ACADM: variants seen among roughly 807,000 people sequenced by gnomAD.
ACADM encodes acyl-CoA dehydrogenase medium chain.
A neutral mutation model predicts 58.9 loss-of-function variants in ACADM; 49 were observed. The ratio of observed to expected loss-of-function variants is 0.83; its 90% CI spans 0.66 to 1.06. The LOEUF (loss-of-function observed/expected upper bound fraction) is 1.06, where lower values mean the gene tolerates loss of function less well. Ranked by LOEUF, ACADM falls within the 50% of genes least tolerant of loss-of-function variation. The pLI is 0.00. For synonymous variants in ACADM, 160 were observed against 157.7 expected, an observed-to-expected ratio of 1.01 and a Z score of -0.11; for missense variants, 496 against 507.0, an observed-to-expected ratio of 0.98 and a Z score of 0.21.
chr1:75,727,317 C>A (rs776469208), intron 1 of ACADM, among the ~76,000 whole-genome samples: 2 of 152,174 alleles, frequency 1.3e-5, no homozygotes, highest in Admixed American at 6.5e-5. Context: ...TTTCTTTTTA[C>A]GGATTTTGAA....
chr1:75,731,320 T>C lies in ACADM; in HGVS notation c.119-1324T>C, dbSNP rs913540539. Among the ~76,000 whole-genome samples, 7 of 148,792 alleles carry C rather than the reference T, an allele frequency of 4.7e-5. No individual in the cohort carries two copies. In the East Asian group the frequency reaches 1.2e-3, roughly 25 times the overall value. ...AAAAAAAAAAAGAGATTTGATCTTA[T>C]GCTCTTCAATTCAGCACCAGAATTC... On this transcript the variant is annotated intron_variant, in intron 2 of 11. Transcript: ENST00000370841.
intron 2 of ACADM, among the ~76,000 whole-genome samples, chr1:75,731,227 C>T (rs61797340): frequency 0.24 from 34,877 of 144,166 alleles, 4,442 homozygotes; most frequent in Non-Finnish European, 0.3. Flanking sequence ...TGCAGTGAGC[C>T]TAGATTGCGC....
chr1:75,728,559 T>C (rs1441250736), intron 2 of ACADM, 71 bp downstream of exon 2: 2 of 1,166,862 alleles, frequency 1.7e-6, no homozygotes, highest in East Asian at 2.4e-5. Context: ...GTTTGGAATA[T>C]GTTTGTAAAT....
chr1:75,745,920 GTATT>G lies in ACADM; in HGVS notation c.708+11_708+14del. 1.3e-6 allele frequency: 2 copies of G among 1,589,750 alleles called. No homozygotes were observed. Among genetic ancestry groups the G allele is most frequent in the Non-Finnish European group, 1.7e-6 (2 of 1,158,134 alleles). ...GAATTCAGATTGGGAGAAAGGTAAA[GTATT>G]TATTAATGATTAGGGCCCCAAATAT... On this transcript the variant is annotated splice_region_variant and intron_variant, in intron 8 of 11. Coordinates refer to ENST00000370841, the MANE Select transcript of ACADM (RefSeq NM_000016.6).
chr1:75,732,859 GT>G lies in ACADM; in HGVS notation c.224del (p.Val75AlafsTer3), dbSNP rs1057516480. On this transcript the variant is annotated frameshift_variant, in exon 4 of 12. Coordinates refer to ENST00000370841, the MANE Select transcript of ACADM (RefSeq NM_000016.6). LOFTEE classifies it high-confidence loss of function. ...TCAGTTCTTTTTCTTCTAGTATCCA[GT>G]CCCCCTAATTAGAAGAGCCTGGGAA... ...AEYDKTGEYP[V>X]PLIRRAWELG... 2.5e-6 allele frequency: 4 copies of G among 1,613,298 alleles called. No individual in the cohort carries two copies. Among genetic ancestry groups the G allele is most frequent in the Non-Finnish European group, 3.4e-6 (4 of 1,179,356 alleles).
At chr1:75,758,472 A>G (rs1254922714) in intron 10 of ACADM, among the ~76,000 whole-genome samples, 1 of 152,176 alleles carries the variant, frequency 6.6e-6, no homozygotes, top group Admixed American at 6.5e-5. Context: ...CTCACCCTGT[A>G]GGAACCTCTG....
intron 10 of ACADM, among the ~76,000 whole-genome samples, 157 bp from the exon 11 acceptor site, chr1:75,760,965 G>C (rs1193428797): frequency 6.6e-6 from 1 of 152,160 alleles, no homozygotes; most frequent in African/African-American, 2.4e-5. Flanking sequence ...TCAGCACTTT[G>C]AGAGGCCTAA....
chr1:75,754,775 C>T (rs897575154), intron 10 of ACADM, among the ~76,000 whole-genome samples: 9 of 152,196 alleles, frequency 5.9e-5, no homozygotes, highest in African/African-American at 1.7e-4. Context: ...GTACAGTGGG[C>T]GCAGCCCACA....
intron 7 of ACADM, chr1:75,745,425 G>A: frequency 5.1e-6 from 1 of 196,220 alleles, no homozygotes. Context: ...AGTCGAGACT[G>A]CAGTGAGCCA....
At chr1:75,746,638 G>T (rs1570888229) in intron 8 of ACADM, among the ~76,000 whole-genome samples, 2 of 138,970 alleles carry the variant, frequency 1.4e-5, no homozygotes, top group African/African-American at 2.7e-5. Flanking sequence ...TCGCTCTGTT[G>T]CCCAGGCTGG....
chr1:75,743,727 C>A, intron 7 of ACADM: 1 of 1,523,680 alleles, frequency 6.6e-7, no homozygotes, highest in Non-Finnish European at 9.1e-7. Context: ...CCTTCTCTCC[C>A]AGTTCAGTGA....
chr1:75,744,182 A>G, intron 7 of ACADM: 1 of 1,571,848 alleles, frequency 6.4e-7, no homozygotes, highest in Non-Finnish European at 8.8e-7. Context: ...TACTGCAGAC[A>G]CAGGTTTGCT....
chr1:75,744,161 G>C, intron 7 of ACADM: 3 of 1,573,628 alleles, frequency 1.9e-6, no homozygotes, highest in Non-Finnish European at 2.6e-6. Flanking sequence ...TGGTGGGACA[G>C]CAGTGGGTTT....
intron 7 of ACADM, among the ~76,000 whole-genome samples, chr1:75,742,779 G>A (rs998565770): frequency 1.3e-5 from 2 of 152,088 alleles, no homozygotes; most frequent in African/African-American, 4.8e-5. Flanking sequence ...ATTACAACAC[G>A]TGACCTCAGG....
chr1:75,744,665 G>T, intron 7 of ACADM: 1 of 857,536 alleles, frequency 1.2e-6, no homozygotes, highest in Non-Finnish European at 2.0e-6. Context: ...CCTGGTCCCT[G>T]GCATAAGGAG....
intron 10 of ACADM, among the ~76,000 whole-genome samples, chr1:75,752,221 A>G (rs1049323675): frequency 2.6e-4 from 40 of 152,086 alleles, no homozygotes; most frequent in Admixed American, 1.4e-3. Flanking sequence ...AGCTCAAGCA[A>G]TCTTTCCACC....
intron 6 of ACADM, among the ~76,000 whole-genome samples, chr1:75,736,159 TACACACACAGACATAC>T (rs1423710386): frequency 9.3e-6 from 1 of 107,016 alleles, no homozygotes; most frequent in Non-Finnish European, 1.8e-5. Context: ...ACAAGATAAA[TACACACACAGACATAC>T]ACACACACAC....
intron 1 of ACADM, among the ~76,000 whole-genome samples, chr1:75,725,424 C>G (rs563265598): frequency 3.8e-4 from 57 of 151,856 alleles, no homozygotes; most frequent in Middle Eastern, 3.4e-3. Context: ...AAAGTTATGT[C>G]TTGGACCAAA....
intron 9 of ACADM, among the ~76,000 whole-genome samples, chr1:75,749,910 A>G (rs1648110223): frequency 6.6e-6 from 1 of 151,856 alleles, no homozygotes; most frequent in Non-Finnish European, 1.5e-5. Context: ...ATGGGGTTTC[A>G]TGATGTTGGC....
Sources: allele counts gnomAD v4.1 joint callset (sites outside exome capture counted in the v4.1 genomes callset), GRCh38; gene constraint gnomAD v4.1.1; transcripts MANE v1.5; gene names NCBI Gene and HGNC (gene_info 2026-07-23, HGNC 2026-07-21).